UNC5C: variants seen among roughly 807,000 people sequenced by gnomAD.
UNC5C encodes the protein netrin receptor UNC5C.
A neutral mutation model predicts 99.8 loss-of-function variants in UNC5C; 47 were observed. The ratio of observed to expected loss-of-function variants is 0.47; its 90% CI spans 0.37 to 0.60. The LOEUF (loss-of-function observed/expected upper bound fraction) is 0.60, where lower values mean the gene tolerates loss of function less well. Ranked by LOEUF, UNC5C falls within the 20% of genes least tolerant of loss-of-function variation. UNC5C has a pLI of 0.00. For synonymous variants in UNC5C, 487 were observed against 452.2 expected (o/e 1.08, Z -0.98); for missense variants, 1,062 against 1,165.9 (o/e 0.91, Z 1.30).
At chr4:95,172,593 G>A (rs1027029545) in intron 14 of UNC5C, among the ~76,000 whole-genome samples, 11 of 151,548 alleles carry the variant, frequency 7.3e-5, no homozygotes, top group African/African-American at 1.5e-4. Flanking sequence ...TGTTCCATTG[G>A]TCTATATCTC....
At chr4:95,358,666 C>T (rs1424115094) in intron 1 of UNC5C, among the ~76,000 whole-genome samples, 1 of 152,164 alleles carries the variant, frequency 6.6e-6, no homozygotes, top group Non-Finnish European at 1.5e-5. Context: ...GCCTTTTCTC[C>T]CTCCCTTTGA....
intron 2 of UNC5C, among the ~76,000 whole-genome samples, chr4:95,320,419 T>G: frequency 2.0e-5 from 1 of 49,488 alleles, no homozygotes; most frequent in Non-Finnish European, 3.9e-5. Flanking sequence ...AGAAATTCCA[T>G]CTCAAAAAAA....
intron 1 of UNC5C, among the ~76,000 whole-genome samples, chr4:95,529,633 A>G (rs1001188364): frequency 3.9e-5 from 6 of 151,936 alleles, no homozygotes; most frequent in African/African-American, 1.5e-4. Flanking sequence ...AGGCTCAGGC[A>G]GGAGGGTTGC....
chr4:95,434,013 GATT>G (rs1164379980), intron 1 of UNC5C, among the ~76,000 whole-genome samples: 2 of 152,018 alleles, frequency 1.3e-5, no homozygotes, highest in African/African-American at 4.8e-5. Flanking sequence ...TGCCCATATA[GATT>G]ATGTCTTCCC....
intron 4 of UNC5C, among the ~76,000 whole-genome samples, chr4:95,266,988 A>C (rs1740471265): frequency 6.6e-6 from 1 of 152,220 alleles, no homozygotes. Flanking sequence ...AAGCTACCAA[A>C]GACAGATTCC....
chr4:95,187,911 C>G (rs1215217181), intron 12 of UNC5C, among the ~76,000 whole-genome samples: 2 of 152,160 alleles, frequency 1.3e-5, no homozygotes, highest in Non-Finnish European at 1.5e-5. Context: ...AACTGCCCAT[C>G]AGGACACACC....
At chr4:95,198,288 G>A (rs928098187) in intron 12 of UNC5C, among the ~76,000 whole-genome samples, 5 of 152,122 alleles carry the variant, frequency 3.3e-5, no homozygotes, top group Non-Finnish European at 7.4e-5. Context: ...CGTGCCCAGT[G>A]AGGGAGCCTC....
At chr4:95,450,030 T>C (rs780584626) in intron 1 of UNC5C, among the ~76,000 whole-genome samples, 4 of 152,210 alleles carry the variant, frequency 2.6e-5, no homozygotes, top group Admixed American at 6.5e-5. Flanking sequence ...TTTACTTATG[T>C]CAATTTAATT....
intron 6 of UNC5C, among the ~76,000 whole-genome samples, chr4:95,243,873 A>G (rs1212233534): frequency 6.6e-6 from 1 of 152,178 alleles, no homozygotes; most frequent in Non-Finnish European, 1.5e-5. Context: ...ACTCTAATTG[A>G]TCAGTGCATT....
Position 95,250,402 on chromosome 4 carries a change from A to T in UNC5C, c.775+85T>A, listed in dbSNP as rs536927800. 95 of 1,400,658 alleles carry T rather than the reference A, an allele frequency of 6.8e-5. No individual in the cohort carries two copies. In the East Asian group the frequency reaches 7.8e-4, roughly 12 times the overall value. The allele number at this position is 1,400,658 out of a possible 1,614,324, so 86.8% of individuals were successfully genotyped here. ...CCTGTCTCAAATAATATGAAATTTT[A>T]AAAAAAGGGCTTCTAGCTTTACCGA... is the stretch of plus-strand genomic sequence containing the variant. On this transcript the variant is annotated intron_variant, in intron 5 of 15. Coordinates refer to ENST00000453304, the MANE Select transcript of UNC5C (RefSeq NM_003728.4).
At chr4:95,218,777 G>A (rs1210067491) in intron 9 of UNC5C, among the ~76,000 whole-genome samples, 192 bp downstream of exon 9, 1 of 152,194 alleles carries the variant, frequency 6.6e-6, no homozygotes, top group Non-Finnish European at 1.5e-5. Context: ...TTCAGAATTA[G>A]TTGGAGGAAG....
Position 95,242,536 on chromosome 4 carries a change from T to C in UNC5C, c.1001A>G (p.His334Arg), listed in dbSNP as rs933030381. The C allele has an allele frequency of 1.2e-6, 2 of 1,612,034 alleles. No individual in the cohort carries two copies. The highest frequency in any genetic ancestry group is 2.2e-5 in the East Asian group (1 of 44,838). The part of the protein sequence containing the change: ...KWSTCGTECT[H>R]WRRRECTAPA... Reference sequence around the variant, plus strand: ...CGCCGTGCACTCCCTCCTGCGCCAGTGGGTGCACTCAGTTCCACAAGTAGA... The same window carrying C: ...CGCCGTGCACTCCCTCCTGCGCCAGCGGGTGCACTCAGTTCCACAAGTAGA... Residue 334 changes from histidine (H) to arginine (R), a missense_variant, in exon 7 of 16, where the codon CAC (histidine) becomes CGC (arginine). By Grantham distance (29) the His-to-Arg change is conservative (BLOSUM62 0). Coordinates refer to ENST00000453304, the MANE Select transcript of UNC5C (RefSeq NM_003728.4).
chr4:95,328,688 T>C (rs535187949), intron 2 of UNC5C, among the ~76,000 whole-genome samples: 6,741 of 146,438 alleles, frequency 0.046, 488 homozygotes, highest in African/African-American at 0.16. Context: ...ACCAACAGTG[T>C]CAAAGTGTTC....
chr4:95,463,400 T>C (rs949990835), intron 1 of UNC5C, among the ~76,000 whole-genome samples: 1 of 152,022 alleles, frequency 6.6e-6, no homozygotes, highest in Non-Finnish European at 1.5e-5. Flanking sequence ...AGCCCAACCA[T>C]GCCATGAATG....
chr4:95,374,628 C>G (rs573329756), intron 1 of UNC5C, among the ~76,000 whole-genome samples: 1 of 152,170 alleles, frequency 6.6e-6, no homozygotes, highest in African/African-American at 2.4e-5. Context: ...ATTCTGGAAT[C>G]TTGACTACCC....
chr4:95,408,761 A>G (rs1390955689), intron 1 of UNC5C, among the ~76,000 whole-genome samples: 1 of 152,222 alleles, frequency 6.6e-6, no homozygotes. Context: ...AATATATACA[A>G]GAGAGATTTT....
Position 95,182,940 on chromosome 4 carries a change from T to G in UNC5C, c.2408A>C (p.Glu803Ala), listed in dbSNP as rs1274011930. ...GAGCTGGAAGATCTGCCCTTCTCCTTCCACCTGCCGCACACAGAGTTTGCA... is the reference window on the plus strand; with the variant it reads ...GAGCTGGAAGATCTGCCCTTCTCCTGCCACCTGCCGCACACAGAGTTTGCA... ...LVCKLCVRQVEGEGQIFQLNC... is the reference protein window; with the variant it reads ...LVCKLCVRQVAGEGQIFQLNC... Residue 803 changes from glutamate to alanine, a missense_variant, in exon 14 of 16, where the codon GAA (glutamate) becomes GCA (alanine). Around this residue, in one of 3 missense-constraint regions of UNC5C, gnomAD observed 810 missense variants for 854.5 expected, o/e 0.95. Transcript: ENST00000453304. 6.2e-7 allele frequency: 1 copy of G among 1,613,922 alleles called. No individual in the cohort carries two copies. The highest frequency in any genetic ancestry group is 1.1e-5 in the South Asian group (1 of 91,060).
chr4:95,484,400 C>G (rs542674076), intron 1 of UNC5C, among the ~76,000 whole-genome samples: 1 of 151,896 alleles, frequency 6.6e-6, no homozygotes, highest in South Asian at 2.1e-4. Context: ...CAGTAGTATC[C>G]TGTTCCCATT....
At chr4:95,375,037 C>T (rs1744853937) in intron 1 of UNC5C, among the ~76,000 whole-genome samples, 1 of 152,088 alleles carries the variant, frequency 6.6e-6, no homozygotes, top group South Asian at 2.1e-4. Context: ...AGTAAAAATG[C>T]TTAACAGAGA....
Sources: allele counts gnomAD v4.1 joint callset (sites outside exome capture counted in the v4.1 genomes callset), GRCh38; gene constraint gnomAD v4.1.1; regional missense constraint gnomAD v4.1.1; transcripts MANE v1.5; gene names NCBI Gene and HGNC (gene_info 2026-07-23, HGNC 2026-07-21).